The following WDPCP variants were observed in gnomAD, a reference collection of about 807,000 sequenced individuals.
The protein encoded by WDPCP is WD repeat containing planar cell polarity effector.
WDPCP carries 71 observed loss-of-function variants against 93.1 expected under a neutral mutation model. That is an observed-to-expected ratio of 0.76 (90% confidence interval 0.63 to 0.93). WDPCP has a LOEUF of 0.93. WDPCP is among the 40% of genes least tolerant of loss of function. WDPCP has a pLI of 0.00. For synonymous variants in WDPCP, 315 were observed against 315.0 expected (o/e 1.00, Z 0.00); for missense variants, 844 against 887.4 (o/e 0.95, Z 0.62).
chr2:63,764,875 G>T (rs1032264726), intron 2 of WDPCP, among the ~76,000 whole-genome samples: 3 of 152,196 alleles, frequency 2.0e-5, no homozygotes, highest in African/African-American at 7.2e-5. Flanking sequence ...TCCTAGCCCA[G>T]ATTCTCTTTG....
intron 17 of WDPCP, among the ~76,000 whole-genome samples, chr2:63,131,511 A>G (rs1424447087): frequency 6.6e-6 from 1 of 151,994 alleles, no homozygotes; most frequent in Non-Finnish European, 1.5e-5. Context: ...TTACATTTAT[A>G]TATTGTGTAC....
chr2:63,325,538 G>C (rs1027822129), intron 12 of WDPCP, among the ~76,000 whole-genome samples: 1 of 152,188 alleles, frequency 6.6e-6, no homozygotes, highest in Non-Finnish European at 1.5e-5. Flanking sequence ...GGCCTTCTCA[G>C]TGTTAACCTT....
intron 13 of WDPCP, among the ~76,000 whole-genome samples, chr2:63,290,444 T>G (rs1684324323): frequency 6.6e-6 from 1 of 150,628 alleles, no homozygotes; most frequent in Admixed American, 6.6e-5. Flanking sequence ...CTTTAAATAA[T>G]TATATACTAA....
intron 1 of WDPCP, among the ~76,000 whole-genome samples, chr2:63,549,150 G>T (rs934933947): frequency 6.6e-6 from 1 of 150,972 alleles, no homozygotes; most frequent in Non-Finnish European, 1.5e-5. Context: ...TCAGGAGGCT[G>T]AGGCAGGGAG....
At chr2:63,210,497 G>A (rs944105193) in intron 14 of WDPCP, among the ~76,000 whole-genome samples, 9 of 152,118 alleles carry the variant, frequency 5.9e-5, no homozygotes, top group Non-Finnish European at 1.0e-4. Flanking sequence ...GGCGGGATAG[G>A]AACAGCTCCA....
At chr2:63,600,816 G>A (rs745953375) in intron 3 of WDPCP, among the ~76,000 whole-genome samples, 2 of 152,178 alleles carry the variant, frequency 1.3e-5, no homozygotes, top group Non-Finnish European at 2.9e-5. Context: ...TTTGAGTTCT[G>A]TGGGACAGTT....
At chr2:63,253,257 G>T (rs1481696973) in intron 14 of WDPCP, among the ~76,000 whole-genome samples, 1 of 152,078 alleles carries the variant, frequency 6.6e-6, no homozygotes, top group African/African-American at 2.4e-5. Context: ...ATAATTAAAT[G>T]TATGACCTCA....
At chr2:63,643,453 G>A (rs1710008818) in intron 3 of WDPCP, 1 of 330,410 alleles carries the variant, frequency 3.0e-6, no homozygotes, top group African/African-American at 2.2e-5. Flanking sequence ...AAAAGATCCA[G>A]GATGTCTCTC....
intron 1 of WDPCP, among the ~76,000 whole-genome samples, chr2:63,508,409 C>A (rs142329679): frequency 3.3e-4 from 50 of 152,188 alleles, no homozygotes; most frequent in African/African-American, 1.2e-3. Flanking sequence ...ACCACCAGGC[C>A]CACCTTACAA....
rs935551949 is a variant in WDPCP at position 63,313,357 on chromosome 2, A to G, written c.1749-46T>C. On this transcript the variant is annotated intron_variant, in intron 12 of 17. Coordinates refer to ENST00000272321, the MANE Select transcript of WDPCP (RefSeq NM_015910.7). ...TTATGTTAGTTGTGAACAAGAATATATAAAAGAAAAGAGCTGTTTATTTAA... is the reference window on the plus strand; with the variant it reads ...TTATGTTAGTTGTGAACAAGAATATGTAAAAGAAAAGAGCTGTTTATTTAA... The G allele has an allele frequency of 2.6e-6, 4 of 1,555,244 alleles. No individual in the cohort carries two copies. The Admixed American group carries it at 6.8e-5, about 26-fold the overall frequency.
At chr2:63,188,936 C>T (rs780865946) in intron 14 of WDPCP, among the ~76,000 whole-genome samples, 12 of 152,104 alleles carry the variant, frequency 7.9e-5, no homozygotes, top group Non-Finnish European at 1.8e-4. Context: ...ACTACTTTTA[C>T]TTAGGGGAAA....
intron 13 of WDPCP, among the ~76,000 whole-genome samples, 191 bp downstream of exon 13, chr2:63,313,057 T>C (rs191366635): frequency 1.1e-3 from 171 of 152,238 alleles, no homozygotes; most frequent in African/African-American, 3.8e-3. Flanking sequence ...AAACAAAATG[T>C]CAACAAATCA....
At chr2:63,563,050 T>TACAC (rs1706752045) in intron 1 of WDPCP, among the ~76,000 whole-genome samples, 2 of 152,098 alleles carry the variant, frequency 1.3e-5, no homozygotes, top group African/African-American at 4.8e-5. Flanking sequence ...TACACACAAA[T>TACAC]ACACACACAC....
chr2:63,626,975 T>TAA (rs557315558), intron 3 of WDPCP, among the ~76,000 whole-genome samples: 7 of 133,476 alleles, frequency 5.2e-5, no homozygotes, highest in African/African-American at 1.1e-4. Flanking sequence ...AAAGCATAAT[T>TAA]AAAAAAAAAA....
At chr2:63,130,198 A>G (rs183879956) in intron 17 of WDPCP, among the ~76,000 whole-genome samples, 73 of 152,236 alleles carry the variant, frequency 4.8e-4, no homozygotes, top group African/African-American at 1.6e-3. Context: ...GCCAAATTCA[A>G]TGCTACATTT....
At chr2:63,794,338 C>T (rs1041597924) in intron 2 of WDPCP, among the ~76,000 whole-genome samples, 2 of 152,182 alleles carry the variant, frequency 1.3e-5, no homozygotes, top group African/African-American at 4.8e-5. Flanking sequence ...TCAAGAAAAT[C>T]CTCTTTGCCT....
chr2:63,676,495 A>C (rs980141421), intron 2 of WDPCP, among the ~76,000 whole-genome samples: 1 of 152,204 alleles, frequency 6.6e-6, no homozygotes, highest in Non-Finnish European at 1.5e-5. Context: ...AATTACCTAC[A>C]AAGATTAAAA....
At chr2:63,339,215 C>G (rs1409642609) in intron 12 of WDPCP, among the ~76,000 whole-genome samples, 2 of 151,842 alleles carry the variant, frequency 1.3e-5, no homozygotes, top group African/African-American at 4.8e-5. Flanking sequence ...ACTCTGTCAC[C>G]CAGGCTAGAG....
At chr2:63,814,674 C>T (rs745788079) in intron 1 of WDPCP, among the ~76,000 whole-genome samples, 9 of 152,248 alleles carry the variant, frequency 5.9e-5, no homozygotes, top group Non-Finnish European at 1.3e-4. Context: ...ATGCCACACA[C>T]GAAATGACTT....
Sources: allele counts gnomAD v4.1 joint callset (sites outside exome capture counted in the v4.1 genomes callset), GRCh38; gene constraint gnomAD v4.1.1; transcripts MANE v1.5; gene names NCBI Gene and HGNC (gene_info 2026-07-23, HGNC 2026-07-21).